CYB561A3: variants seen among roughly 807,000 people sequenced by gnomAD.
The protein encoded by CYB561A3 is lysosomal membrane ascorbate-dependent ferrireductase CYB561A3.
CYB561A3 carries 16 observed loss-of-function variants against 25.3 expected under a neutral mutation model. That is an observed-to-expected ratio of 0.63 (90% CI 0.43 to 0.96). CYB561A3 has a LOEUF of 0.96. Among genes scored for constraint, CYB561A3 ranks in the 40% least tolerant of loss-of-function variants. The pLI is 0.00. For synonymous variants in CYB561A3, 131 were observed against 129.9 expected (o/e 1.01, Z -0.06); for missense variants, 219 against 307.5 (o/e 0.71, Z 2.15).
At chr11:61,355,747 G>A (rs1857626388) in intron 3 of CYB561A3, among the ~76,000 whole-genome samples, 1 of 151,134 alleles carries the variant, frequency 6.6e-6, no homozygotes, top group Non-Finnish European at 1.5e-5. Context: ...TCGGTGGCCT[G>A]ACTAAACCAT....
chr11:61,350,990 C>A lies in CYB561A3; in HGVS notation c.705+1G>T. ...CTGGAATGTGGGACTGGAACCCATA[C>A]CTGTCTGTCGGTCAGGATCCCCGGC... On this transcript the variant is annotated splice_donor_variant, in intron 6 of 6. Transcript: ENST00000294072. LOFTEE classifies it high-confidence loss of function. 1.9e-6 allele frequency: 3 copies of A among 1,612,894 alleles called. No homozygotes were observed. The highest frequency in any genetic ancestry group is 2.2e-5 in the East Asian group (1 of 44,842).
Position 61,353,927 on chromosome 11 carries a change from C to G in CYB561A3, c.250G>C (p.Ala84Pro). 1 of 1,614,196 alleles carries G rather than the reference C, an allele frequency of 6.2e-7. No individual in the cohort carries two copies. The highest frequency in any genetic ancestry group is 8.5e-7 in the Non-Finnish European group (1 of 1,180,026). Residue 84 changes from alanine (A) to proline (P), a missense_variant, in exon 4 of 7, where the codon GCA (alanine) becomes CCA (proline). Physicochemically the swap from Ala to Pro is conservative, Grantham distance 27. Transcript: ENST00000294072. ...ACGAAGGCCATCAGGTGCAGCGCTG[C>G]ATGGAGGAGTTTCCAGGGCAGTTTG... is the stretch of plus-strand genomic sequence containing the variant. The part of the protein sequence containing the change: ...GPKLPWKLLH[A>P]ALHLMAFVLT...
intron 3 of CYB561A3, chr11:61,354,376 A>G: frequency 4.6e-6 from 1 of 215,348 alleles, no homozygotes; most frequent in Non-Finnish European, 9.4e-6. Flanking sequence ...CCAATTAAAA[A>G]GGGAGGAGGG....
chr11:61,355,174 C>A (rs977737547), intron 3 of CYB561A3, among the ~76,000 whole-genome samples: 2 of 152,056 alleles, frequency 1.3e-5, no homozygotes, highest in African/African-American at 4.8e-5. Context: ...GGCCTGGCCT[C>A]TCCTGTCTAA....
In CYB561A3 at chr11:61,361,766, T is replaced by A. The variant is rs561996117; in HGVS notation, c.-145A>T. On this transcript the variant is annotated 5_prime_UTR_variant, in exon 1 of 7. Transcript: ENST00000294072. Reference sequence around the variant, plus strand: ...ACAGTGGGACGAAGTGAGGCCGGGATCTCCGGAACCCGCCTCTCGCTACCA... The same window carrying A: ...ACAGTGGGACGAAGTGAGGCCGGGAACTCCGGAACCCGCCTCTCGCTACCA... 1 of 152,320 alleles carries A rather than the reference T, an allele frequency of 6.6e-6. No individual in the cohort carries two copies. Among genetic ancestry groups the A allele is most frequent in the Admixed American group, 6.5e-5 (1 of 15,302 alleles). 9.4% of individuals were successfully genotyped at this position (152,320 alleles called of 1,614,324 possible). A position where few individuals can be genotyped will look rare whatever the true frequency, so the allele number is the denominator to read the frequency against.
Position 61,351,109 on chromosome 11 carries a change from T to G in CYB561A3, c.587A>C (p.Glu196Ala). The part of the protein sequence containing the change: ...TTRPYHSLPS[E>A]AVFANSTGML... ...CCCGGTGCTGTTGGCAAAGACCGCC[T>G]CACTGGGCAGGCTGTGGTATGGCCT... The change falls in exon 6 of 7, where the codon GAG (glutamate) becomes GCG (alanine). Residue 196 changes from glutamate (E) to alanine (A), a missense_variant. Coordinates refer to ENST00000294072, the MANE Select transcript of CYB561A3 (RefSeq NM_153611.6). The G allele has an allele frequency of 6.2e-7, 1 of 1,613,834 alleles. No homozygotes were observed. Among genetic ancestry groups the G allele is most frequent in the Non-Finnish European group, 8.5e-7 (1 of 1,179,912 alleles).
intron 6 of CYB561A3, chr11:61,350,631 A>G: frequency 1.6e-6 from 1 of 634,088 alleles, no homozygotes; most frequent in Non-Finnish European, 2.7e-6. Context: ...GCTGGTCACC[A>G]GGCACCCATC....
At chr11:61,354,029 C>T in intron 3 of CYB561A3, 37 bp from the exon 4 acceptor site, 1 of 1,608,136 alleles carries the variant, frequency 6.2e-7, no homozygotes, top group South Asian at 1.1e-5. Context: ...CAGCCTCTCC[C>T]CTCGAGCTCA....
At chr11:61,353,646 T>C in intron 4 of CYB561A3, 138 bp downstream of exon 4, 1 of 977,652 alleles carries the variant, frequency 1.0e-6, no homozygotes, top group Non-Finnish European at 1.6e-6. Context: ...TTGAATAAAC[T>C]GTCAGTTCTA....
chr11:61,356,916 C>T, intron 2 of CYB561A3, 188 bp from the exon 3 acceptor site: 7 of 1,444,300 alleles, frequency 4.8e-6, no homozygotes, highest in Non-Finnish European at 6.3e-6. Flanking sequence ...TCTTCAGTCA[C>T]AATGACTGAG....
At position 61,350,419 on chromosome 11, in the gene CYB561A3, G is replaced by A. The variant is rs369390507; in HGVS notation, c.709C>T (p.Leu237=). The change falls in exon 7 of 7, where the codon CTG becomes TTG. Residue 237 remains leucine (L), a synonymous_variant. Coordinates refer to ENST00000294072, the MANE Select transcript of CYB561A3 (RefSeq NM_153611.6). ...EPGILTDRQP[L]LHDGE is the part of the protein sequence containing the mutation. ...CTGCTTCACTCCCCATCATGCAGCA[G>A]GGGCTGGAAAGAGAGGCAGATGCCC... 3.9e-5 allele frequency: 63 copies of A among 1,611,508 alleles called. No homozygotes were observed. Among genetic ancestry groups the A allele is most frequent in the Non-Finnish European group, 5.2e-5 (61 of 1,179,328 alleles).
intron 5 of CYB561A3, chr11:61,352,604 C>T (rs7940665): frequency 0.89 from 195,874 of 220,772 alleles, 91,032 homozygotes; most frequent in Non-Finnish European, 1. Context: ...GAGGTTGCAG[C>T]GAGCCAAGAT....
intron 6 of CYB561A3, chr11:61,350,782 GGACA>G (rs1461544504): frequency 1.5e-6 from 1 of 675,972 alleles, no homozygotes; most frequent in Non-Finnish European, 2.4e-6. Context: ...GTCTCCCAAT[GGACA>G]GACTGGGGAG....
At chr11:61,353,607 A>G (rs1486274232) in intron 4 of CYB561A3, 177 bp downstream of exon 4, 3 of 765,454 alleles carry the variant, frequency 3.9e-6, no homozygotes, top group Non-Finnish European at 6.8e-6. Flanking sequence ...GGAACAGGGT[A>G]AGTTCAGGCC....
intron 2 of CYB561A3, 124 bp from the exon 3 acceptor site, chr11:61,356,852 C>T: frequency 6.8e-7 from 1 of 1,469,364 alleles, no homozygotes; most frequent in Non-Finnish European, 9.0e-7. Flanking sequence ...AGTTCCCCTG[C>T]ATCAGCCTGG....
chr11:61,353,525 G>C (rs985175350), intron 4 of CYB561A3: 1 of 680,472 alleles, frequency 1.5e-6, no homozygotes, highest in Non-Finnish European at 2.7e-6. Context: ...ATTAGAGTCA[G>C]CATAGTGCGT....
At chr11:61,357,359 G>A in intron 2 of CYB561A3, 1 of 770,084 alleles carries the variant, frequency 1.3e-6, no homozygotes, top group Non-Finnish European at 2.0e-6. Flanking sequence ...TGAGACTTCT[G>A]CTTTCTCTTC....
intron 2 of CYB561A3, 200 bp from the exon 3 acceptor site, chr11:61,356,928 C>A: frequency 6.9e-7 from 1 of 1,445,328 alleles, no homozygotes; most frequent in South Asian, 1.5e-5. Context: ...ATGACTGAGG[C>A]CCCACCCCAG....
At chr11:61,357,127 C>T in intron 2 of CYB561A3, 1 of 1,520,048 alleles carries the variant, frequency 6.6e-7, no homozygotes. Context: ...CTAAATTACG[C>T]AAACACCCAG....
Sources: gnomAD v4.1 joint callset for allele counts (sites outside exome capture counted in the v4.1 genomes callset) on GRCh38, gnomAD v4.1.1 for gene constraint, MANE v1.5 for transcripts, NCBI Gene and HGNC (gene_info 2026-07-23, HGNC 2026-07-21) for gene names.